LMTK2: variants seen among roughly 807,000 people sequenced by gnomAD.
LMTK2 encodes the protein lemur tail kinase 2.
Under a neutral mutation model 127.5 loss-of-function variants are expected in LMTK2, and 37 were observed. The observed-to-expected ratio is 0.29, with a 90% CI of 0.22 to 0.38. The LOEUF is 0.38. Among genes scored for constraint, LMTK2 ranks in the 10% least tolerant of loss-of-function variants. The pLI is 1.00. For missense variants in LMTK2, 1,694 were observed against 1,920.3 expected (o/e 0.88, Z 2.20); for synonymous variants, 819 against 810.1 (o/e 1.01, Z -0.19).
At chr7:98,155,413 A>C (rs80066541) in intron 5 of LMTK2, among the ~76,000 whole-genome samples, 8,084 of 152,262 alleles carry the variant, frequency 0.053, 634 homozygotes, top group East Asian at 0.36. Context: ...AATTTTCTAC[A>C]TTTGGAAAAG....
intron 1 of LMTK2, among the ~76,000 whole-genome samples, chr7:98,111,289 TAA>T (rs1325162638): frequency 1.3e-5 from 2 of 152,244 alleles, no homozygotes; most frequent in Non-Finnish European, 2.9e-5. Context: ...GTCACTTAGA[TAA>T]CAGCTGTAGA....
Position 98,106,994 on chromosome 7 carries a change from C to T in LMTK2, c.-184C>T, listed in dbSNP as rs1796115237. ...GCGGGCGGGAAGGATGGTGTTTCTG[C>T]GACTGGAGCGGCAGGTGCGGACCGG... On this transcript the variant is annotated 5_prime_UTR_variant, in exon 1 of 14. It introduces an in-frame stop codon into an upstream open reading frame of the 5' UTR. Coordinates refer to ENST00000297293, the MANE Select transcript of LMTK2 (RefSeq NM_014916.4). 4.3e-6 allele frequency: 2 copies of T among 469,416 alleles called. No homozygotes were observed. Among genetic ancestry groups the T allele is most frequent in the East Asian group, 3.5e-5 (1 of 28,276 alleles). 29.1% of individuals were successfully genotyped at this position (469,416 alleles called of 1,614,324 possible).
At chr7:98,175,225 G>A (rs945592610) in intron 7 of LMTK2, among the ~76,000 whole-genome samples, 2 of 152,308 alleles carry the variant, frequency 1.3e-5, no homozygotes, top group South Asian at 2.1e-4. Context: ...AGGAGGTGGC[G>A]TTTTAGTGAT....
intron 1 of LMTK2, among the ~76,000 whole-genome samples, chr7:98,111,032 T>G (rs182287149): frequency 2.9e-4 from 44 of 152,380 alleles, no homozygotes; most frequent in African/African-American, 9.6e-4. Context: ...TTAGGATTTA[T>G]AGCTATAAAT....
At chr7:98,196,354 C>T (rs914305373) in intron 11 of LMTK2, among the ~76,000 whole-genome samples, 1 of 152,128 alleles carries the variant, frequency 6.6e-6, no homozygotes, top group Non-Finnish European at 1.5e-5. Context: ...AACACGCTGC[C>T]GTTTTCTAGT....
Position 98,139,401 on chromosome 7 carries a change from C to T in LMTK2, c.231+1959C>T, listed in dbSNP as rs557745983. Among the ~76,000 whole-genome samples, 5 of 152,328 alleles carry T rather than the reference C, an allele frequency of 3.3e-5. No individual in the cohort carries two copies. In the South Asian group the frequency reaches 8.3e-4, roughly 25 times the overall value. ...AAGTACTAGGATTACAGGCGTGAGC[C>T]ACCGGGCCTGGCCATTTTTCTTATT... On this transcript the variant is annotated intron_variant, in intron 2 of 13. Coordinates refer to ENST00000297293, the MANE Select transcript of LMTK2 (RefSeq NM_014916.4).
Position 98,107,238 on chromosome 7 carries a change from G to A in LMTK2, c.61G>A (p.Ala21Thr), listed in dbSNP as rs1290253938. ...GCTGCTGCTGCTGGTCCTCCTGATC[G>A]CCGGCAGTGCTGGGGCCGCGCCACT... The part of the protein sequence containing the change: ...LLLLLLVLLI[A>T]GSAGAAPLPQ... The change falls in exon 1 of 14, where the codon GCC becomes ACC. Residue 21 changes from alanine (A) to threonine (T), a missense_variant. This residue lies in a region of LMTK2 where 76 missense variants were observed against 82.0 expected (regional missense o/e 0.93). Coordinates refer to ENST00000297293, the MANE Select transcript of LMTK2 (RefSeq NM_014916.4). 2 of 1,459,192 alleles carry A rather than the reference G, an allele frequency of 1.4e-6. No homozygotes were observed. The highest frequency in any genetic ancestry group is 1.5e-5 in the African/African-American group (1 of 67,640). The allele number at this position is 1,459,192 out of a possible 1,614,324, so 90.4% of individuals were successfully genotyped here.
intron 1 of LMTK2, among the ~76,000 whole-genome samples, chr7:98,116,884 T>C (rs538514859): frequency 1.3e-5 from 2 of 152,344 alleles, no homozygotes; most frequent in African/African-American, 4.8e-5. Flanking sequence ...GAGTACTGAC[T>C]GGTCAGATAT....
intron 1 of LMTK2, among the ~76,000 whole-genome samples, chr7:98,127,124 TTC>T (rs1193069452): frequency 6.6e-5 from 10 of 152,234 alleles, no homozygotes; most frequent in African/African-American, 2.2e-4. Context: ...TGACTTAAAA[TTC>T]TGTGTACAGG....
At chr7:98,137,826 C>T (rs1326360914) in intron 2 of LMTK2, among the ~76,000 whole-genome samples, 3 of 152,188 alleles carry the variant, frequency 2.0e-5, no homozygotes, top group Admixed American at 6.5e-5. Flanking sequence ...TGATTGAATT[C>T]ACTGTTGTCC....
At chr7:98,202,917 A>G (rs1338659421) in intron 11 of LMTK2, among the ~76,000 whole-genome samples, 2 of 152,136 alleles carry the variant, frequency 1.3e-5, no homozygotes, top group Non-Finnish European at 1.5e-5. Context: ...ACGATGTGCC[A>G]TACTTCCTGC....
At chr7:98,159,288 T>C in intron 5 of LMTK2, 50 bp from the exon 6 acceptor site, 1 of 1,213,952 alleles carries the variant, frequency 8.2e-7, no homozygotes, top group Non-Finnish European at 1.2e-6. Flanking sequence ...TTGAATAATG[T>C]TATTATCATG....
At chr7:98,182,631 G>A (rs1462189834) in intron 7 of LMTK2, among the ~76,000 whole-genome samples, 1 of 152,188 alleles carries the variant, frequency 6.6e-6, no homozygotes, top group Non-Finnish European at 1.5e-5. Context: ...TGCTCTGTTG[G>A]TGGGAAGGTA....
At position 98,207,727 on chromosome 7, in the gene LMTK2, G is replaced by A. The variant is rs1797829195; in HGVS notation, c.*2235G>A. ...AGTCATACAGATCATGGAATCTGTCGTCGTCTTATACAGTGTCAGCCTCGA... is the reference window on the plus strand; with the variant it reads ...AGTCATACAGATCATGGAATCTGTCATCGTCTTATACAGTGTCAGCCTCGA... On this transcript the variant is annotated 3_prime_UTR_variant, in exon 14 of 14. Transcript: ENST00000297293. 2 of 152,066 alleles carry A rather than the reference G, an allele frequency of 1.3e-5. No individual in the cohort carries two copies. Among genetic ancestry groups the A allele is most frequent in the South Asian group, 2.1e-4 (1 of 4,818 alleles). The allele number at this position is 152,066 out of a possible 1,614,324, so 9.4% of individuals were successfully genotyped here.
intron 1 of LMTK2, among the ~76,000 whole-genome samples, chr7:98,107,554 GTTGCC>G: frequency 6.6e-6 from 1 of 152,246 alleles, no homozygotes; most frequent in East Asian, 1.9e-4. Flanking sequence ...CCCTGGACCT[GTTGCC>G]TTAAGATCCT....
At chr7:98,115,296 G>T (rs1796261889) in intron 1 of LMTK2, among the ~76,000 whole-genome samples, 2 of 151,948 alleles carry the variant, frequency 1.3e-5, no homozygotes, top group South Asian at 4.2e-4. Context: ...CACTCCTAAA[G>T]TCTCAGCTAC....
chr7:98,186,061 CTT>C (rs368390468), intron 8 of LMTK2, among the ~76,000 whole-genome samples: 6 of 144,826 alleles, frequency 4.1e-5, no homozygotes, highest in Admixed American at 6.9e-5. Context: ...TGCATCATCT[CTT>C]TTTTTTTTTT....
chr7:98,174,120 A>G lies in LMTK2; in HGVS notation c.791+2446A>G, dbSNP rs956794490. Among the ~76,000 whole-genome samples, 7 of 148,694 alleles carry G rather than the reference A, an allele frequency of 4.7e-5. No homozygotes were observed. The East Asian group carries it at 7.7e-4, about 16-fold the overall frequency. On this transcript the variant is annotated intron_variant, in intron 7 of 13. Coordinates refer to ENST00000297293, the MANE Select transcript of LMTK2 (RefSeq NM_014916.4). The stretch of plus-strand genomic sequence containing the variant: ...ATTTTGTTGTAAAAAAAAAAAAAAA[A>G]AAGAAAAAGTAATCATATCTATATT...
intron 3 of LMTK2, among the ~76,000 whole-genome samples, chr7:98,144,457 T>G (rs897413588): frequency 6.7e-6 from 1 of 149,520 alleles, no homozygotes; most frequent in Non-Finnish European, 1.5e-5. Flanking sequence ...AAAGAAAAAA[T>G]ATATATATAT....
Sources: gnomAD v4.1 joint callset for allele counts (sites outside exome capture counted in the v4.1 genomes callset) on GRCh38, gnomAD v4.1.1 for gene constraint, gnomAD v4.1.1 regional missense constraint, MANE v1.5 for transcripts, NCBI Gene and HGNC (gene_info 2026-07-23, HGNC 2026-07-21) for gene names.